GPR137: variants seen among roughly 807,000 people sequenced by gnomAD.
GPR137 encodes G protein-coupled receptor 137.
A neutral mutation model predicts 38.9 loss-of-function variants in GPR137; 20 were observed. The observed-to-expected ratio is 0.51, with a 90% confidence interval of 0.36 to 0.75. The LOEUF (loss-of-function observed/expected upper bound fraction) is 0.75. Ranked by LOEUF, GPR137 falls within the 30% of genes least tolerant of loss-of-function variation. The probability of loss-of-function intolerance (pLI) is 0.00; values close to 1 mark genes in which losing one functional copy is unlikely to be tolerated. For synonymous variants in GPR137, 226 were observed against 235.8 expected (o/e 0.96, Z 0.38); for missense variants, 456 against 526.4 (o/e 0.87, Z 1.31).
In GPR137 at chr11:64,288,600, C is replaced by A. The variant is rs1281348196; in HGVS notation, c.913-3C>A. The stretch of plus-strand genomic sequence containing the variant: ...AAGTATCGATGATGGCTTCCTCCCC[C>A]AGAGCACCAGCCACATCCTCAATGG... On this transcript the variant is annotated splice_region_variant and splice_polypyrimidine_tract_variant and intron_variant, in intron 5 of 6. Coordinates refer to ENST00000438980, the MANE Select transcript of GPR137 (RefSeq NM_001170880.2). This position sits in a 1 kb window ranked among gnomAD's most constrained non-coding sequence, Gnocchi z 5.5. 3 of 1,613,222 alleles carry A rather than the reference C, an allele frequency of 1.9e-6. No homozygotes were observed. Among genetic ancestry groups the A allele is most frequent in the Admixed American group, 1.7e-5 (1 of 59,954 alleles).
chr11:64,281,969 T>C (rs1268620725), upstream of GPR137, among the ~76,000 whole-genome samples: 1 of 152,208 alleles, frequency 6.6e-6, no homozygotes, highest in African/African-American at 2.4e-5. Context: ...TACGCCCACC[T>C]AGGCCTCCCA....
chr11:64,284,817 A>T, upstream of GPR137: 2 of 1,520,668 alleles, frequency 1.3e-6, no homozygotes, highest in South Asian at 1.2e-5. Flanking sequence ...CGCCGGATCC[A>T]AGGCTCCTCG....
rs772979218 is a variant in GPR137, at chr11:64,288,329, C to T, written c.784-11C>T. 1.9e-6 allele frequency: 3 copies of T among 1,613,652 alleles called. No individual in the cohort carries two copies. The highest frequency in any genetic ancestry group is 1.1e-5 in the South Asian group (1 of 91,084). ...GACTGCAGACTGGCACCAGCCCCTG[C>T]CTTCCCACAGGCGGACCTGGTGAAT... On this transcript the variant is annotated splice_polypyrimidine_tract_variant and intron_variant, in intron 4 of 6. Transcript: ENST00000438980. The surrounding 1 kb of genome is among the most constrained non-coding windows in gnomAD (Gnocchi z 5.5).
chr11:64,278,471 G>A (rs1008760008), intron 2 of GPR137, among the ~76,000 whole-genome samples: 1 of 151,658 alleles, frequency 6.6e-6, no homozygotes, highest in Non-Finnish European at 1.5e-5. Context: ...CCTCCTCTGC[G>A]CCAGGCACTG....
intron 2 of GPR137, among the ~76,000 whole-genome samples, chr11:64,277,994 C>T (rs2033182834): frequency 6.6e-6 from 1 of 152,050 alleles, no homozygotes; most frequent in African/African-American, 2.4e-5. Flanking sequence ...TTGTCCATAA[C>T]TTAAAAATAT....
chr11:64,285,904 T>G lies in GPR137; in HGVS notation c.-621T>G, dbSNP rs1036259078. ...GGGTCCCCACGACCTGAGCCGGCTCTCCCATCAGCGGCCTGAGGACCTGGC... is the reference window on the plus strand; with the variant it reads ...GGGTCCCCACGACCTGAGCCGGCTCGCCCATCAGCGGCCTGAGGACCTGGC... On this transcript the variant is annotated 5_prime_UTR_variant, in exon 1 of 7. Coordinates refer to ENST00000438980, the MANE Select transcript of GPR137 (RefSeq NM_001170880.2). 1.0e-6 allele frequency: 1 copy of G among 970,332 alleles called. No homozygotes were observed. The highest frequency in any genetic ancestry group is 1.2e-6 in the Non-Finnish European group (1 of 816,492). 60.1% of individuals were successfully genotyped at this position (970,332 alleles called of 1,614,324 possible). A position where few individuals can be genotyped will look rare whatever the true frequency, so the allele number is the denominator to read the frequency against.
upstream of GPR137, chr11:64,284,058 CTG>C: frequency 8.4e-7 from 1 of 1,189,652 alleles, no homozygotes; most frequent in South Asian, 1.6e-5. Context: ...AAAGAGGAAA[CTG>C]GGGCTCTGAG....
At chr11:64,276,930 G>A in intron 2 of GPR137, 1 of 761,420 alleles carries the variant, frequency 1.3e-6, no homozygotes, top group Non-Finnish European at 2.4e-6. Context: ...TCTGCGTGTT[G>A]GGCTTCTGAG....
At chr11:64,285,768 C>T, upstream of GPR137, 2 of 985,316 alleles carry the variant, frequency 2.0e-6, no homozygotes, top group Non-Finnish European at 2.4e-6. Flanking sequence ...GGGTGCGGCG[C>T]TGGACTGCGG....
chr11:64,285,126 C>G (rs2033805255), upstream of GPR137: 1 of 1,015,404 alleles, frequency 9.8e-7, no homozygotes, highest in South Asian at 3.9e-5. Context: ...ATTATTGTTG[C>G]TATTGTTACC....
upstream of GPR137, among the ~76,000 whole-genome samples, chr11:64,280,213 T>G (rs376974854): frequency 1.1e-4 from 16 of 147,766 alleles, no homozygotes; most frequent in Admixed American, 8.0e-4. Flanking sequence ...CGAGCTACTC[T>G]GGAGGCTGAG....
At chr11:64,281,060 C>T (rs186715411), upstream of GPR137, among the ~76,000 whole-genome samples, 765 of 150,838 alleles carry the variant, frequency 5.1e-3, 5 homozygotes, top group African/African-American at 0.018. Flanking sequence ...CTCCGCCTCC[C>T]GGGCTCACGC....
At chr11:64,287,121 G>A in intron 2 of GPR137, 107 bp downstream of exon 2, 1 of 1,509,482 alleles carries the variant, frequency 6.6e-7, no homozygotes, top group Admixed American at 2.2e-5. Context: ...GCAACCCAGG[G>A]AATGTCTGTG....
chr11:64,286,540 T>TG lies in GPR137; in HGVS notation c.16_17insG (p.Ser6CysfsTer200). On this transcript the variant is annotated frameshift_variant, in exon 1 of 7. Transcript: ENST00000438980. LOFTEE classifies it high-confidence loss of function. ...CCTCCCTGACATGGAGAGTAACCTG[T>TG]CTGGCCTGGTGCCTGCTGCCGGGCT... The TG allele has an allele frequency of 1.9e-6, 3 of 1,612,534 alleles. No homozygotes were observed. Among genetic ancestry groups the TG allele is most frequent in the Non-Finnish European group, 2.5e-6 (3 of 1,179,268 alleles).
upstream of GPR137, chr11:64,284,951 C>G: frequency 7.1e-7 from 1 of 1,398,754 alleles, no homozygotes. Flanking sequence ...TGGAGACCCA[C>G]TTCTGCCAAC....
chr11:64,278,163 G>A (rs1474570264), intron 2 of GPR137, among the ~76,000 whole-genome samples: 3 of 151,918 alleles, frequency 2.0e-5, no homozygotes, highest in South Asian at 4.1e-4. Flanking sequence ...GCATGGTGGC[G>A]TGCGCCTGTA....
Position 64,288,319 on chromosome 11 carries a change from C to T in GPR137, c.784-21C>T, listed in dbSNP as rs771631946. ...CCTTTGGCGTGACTGCAGACTGGCA[C>T]CAGCCCCTGCCTTCCCACAGGCGGA... On this transcript the variant is annotated intron_variant, in intron 4 of 6. Coordinates refer to ENST00000438980, the MANE Select transcript of GPR137 (RefSeq NM_001170880.2). This position sits in a 1 kb window ranked among gnomAD's most constrained non-coding sequence, Gnocchi z 5.5. 3 of 1,613,520 alleles carry T rather than the reference C, an allele frequency of 1.9e-6. No individual in the cohort carries two copies. The South Asian group carries it at 3.3e-5, about 18-fold the overall frequency.
intron 2 of GPR137, among the ~76,000 whole-genome samples, chr11:64,277,943 T>A (rs1156639360): frequency 6.6e-6 from 1 of 152,192 alleles, no homozygotes; most frequent in East Asian, 1.9e-4. Flanking sequence ...AATTTGAATT[T>A]CATAGAATGT....
chr11:64,288,747 A>G lies in GPR137; in HGVS notation c.1031+26A>G. The G allele has an allele frequency of 6.6e-7, 1 of 1,509,528 alleles. No individual in the cohort carries two copies. The highest frequency in any genetic ancestry group is 8.9e-7 in the Non-Finnish European group (1 of 1,126,704). 93.5% of individuals were successfully genotyped at this position (1,509,528 alleles called of 1,614,324 possible). On this transcript the variant is annotated intron_variant, in intron 6 of 6. Coordinates refer to ENST00000438980, the MANE Select transcript of GPR137 (RefSeq NM_001170880.2). The surrounding 1 kb of genome is among the most constrained non-coding windows in gnomAD (Gnocchi z 5.5). The stretch of plus-strand genomic sequence containing the variant: ...GTAGGAGCCGTGGCACTGCCTCAGT[A>G]CCCCTGCCCTACCCGCCCACCCCGC...
Sources: allele counts gnomAD v4.1 joint callset (sites outside exome capture counted in the v4.1 genomes callset), GRCh38; gene constraint gnomAD v4.1.1; non-coding constraint Gnocchi (gnomAD v3.1); transcripts MANE v1.5; gene names NCBI Gene and HGNC (gene_info 2026-07-23, HGNC 2026-07-21).